Variants in PIEZO2 observed in about 807,000 individuals in gnomAD.
PIEZO2 encodes piezo-type mechanosensitive ion channel component 2.
A neutral mutation model predicts 337.3 loss-of-function variants in PIEZO2; 172 were observed. That is an observed-to-expected ratio of 0.51 (90% CI 0.45 to 0.58). PIEZO2 has a LOEUF of 0.58. Among genes scored for constraint, PIEZO2 ranks in the 20% least tolerant of loss-of-function variants. The pLI is 0.00. For synonymous variants in PIEZO2, 1,251 were observed against 1,228.5 expected, an observed-to-expected ratio of 1.02 and a Z score of -0.38; for missense variants, 3,028 against 3,391.3, an observed-to-expected ratio of 0.89 and a Z score of 2.66.
intron 3 of PIEZO2, among the ~76,000 whole-genome samples, chr18:10,948,300 C>T (rs2033129495): frequency 6.6e-6 from 1 of 151,756 alleles, no homozygotes; most frequent in South Asian, 2.1e-4. Flanking sequence ...ATATTCTGAC[C>T]AACAGCTCTT....
At chr18:10,844,660 G>GT (rs1393713220) in intron 7 of PIEZO2, among the ~76,000 whole-genome samples, 3 of 151,154 alleles carry the variant, frequency 2.0e-5, no homozygotes, top group Non-Finnish European at 2.9e-5. Flanking sequence ...GTGGTGGTGG[G>GT]TGCCTGTAGT....
At position 10,681,824 on chromosome 18, in the gene PIEZO2, C is replaced by G. The variant is rs191574968; in HGVS notation, c.7687-71G>C. Reference sequence around the variant, plus strand: ...TCTGCATCCTGAGTCAAAAGAAAAACATTTATGTAGGATATCAGCCCATTT... The same window carrying G: ...TCTGCATCCTGAGTCAAAAGAAAAAGATTTATGTAGGATATCAGCCCATTT... On this transcript the variant is annotated intron_variant, in intron 50 of 55. Transcript: ENST00000674853. The G allele has an allele frequency of 3.8e-5, 49 of 1,301,452 alleles. No individual in the cohort carries two copies. In the East Asian group the frequency reaches 1.1e-3, roughly 29 times the overall value. The allele number at this position is 1,301,452 out of a possible 1,614,324, so 80.6% of individuals were successfully genotyped here.
At chr18:10,963,157 C>A (rs1412357937) in intron 3 of PIEZO2, among the ~76,000 whole-genome samples, 2 of 151,968 alleles carry the variant, frequency 1.3e-5, no homozygotes, top group East Asian at 3.9e-4. Context: ...CGGTGGCATG[C>A]TTCTGTAGTT....
At chr18:11,114,673 A>C (rs2039835258) in intron 1 of PIEZO2, among the ~76,000 whole-genome samples, 2 of 152,160 alleles carry the variant, frequency 1.3e-5, no homozygotes, top group South Asian at 4.1e-4. Context: ...TTAAACAAAA[A>C]AAAAAAGGCA....
intron 36 of PIEZO2, among the ~76,000 whole-genome samples, chr18:10,722,037 C>T (rs73385141): frequency 0.046 from 6,949 of 151,382 alleles, 532 homozygotes; most frequent in African/African-American, 0.16. Flanking sequence ...GCCTGTAATC[C>T]GAGCTACTCA....
At chr18:10,947,167 G>C (rs1036817858) in intron 3 of PIEZO2, among the ~76,000 whole-genome samples, 1 of 151,908 alleles carries the variant, frequency 6.6e-6, no homozygotes, top group South Asian at 2.1e-4. Context: ...AAAATCTGTA[G>C]AAAAAAAGCA....
At chr18:10,774,783 T>TA in intron 18 of PIEZO2, among the ~76,000 whole-genome samples, 1 of 152,356 alleles carries the variant, frequency 6.6e-6, no homozygotes, top group East Asian at 1.9e-4. Context: ...GACATACTGA[T>TA]AGTCTTCTCT....
chr18:10,938,119 TG>T (rs1360227216), intron 3 of PIEZO2, among the ~76,000 whole-genome samples: 1 of 152,164 alleles, frequency 6.6e-6, no homozygotes, highest in Admixed American at 6.5e-5. Flanking sequence ...TTCATCAAAA[TG>T]GGAAGTAAGG....
chr18:10,863,971 T>C lies in PIEZO2; in HGVS notation c.493-6760A>G, dbSNP rs2041942321. On this transcript the variant is annotated intron_variant, in intron 5 of 55. Transcript: ENST00000674853. The surrounding 1 kb of genome is among the most constrained non-coding windows in gnomAD (Gnocchi z 4.3). ...TTTTCTCTTGTAGGAACCAGCTAAGTGTAGCTGTTCTAAATGATTCACCCT... is the reference window on the plus strand; with the variant it reads ...TTTTCTCTTGTAGGAACCAGCTAAGCGTAGCTGTTCTAAATGATTCACCCT... Among the ~76,000 whole-genome samples the C allele has an allele frequency of 6.6e-6, 1 of 152,166 alleles. No homozygotes were observed. The highest frequency in any genetic ancestry group is 6.5e-5 in the Admixed American group (1 of 15,276).
At chr18:10,751,097 T>C (rs778826005) in intron 28 of PIEZO2, among the ~76,000 whole-genome samples, 3 of 152,224 alleles carry the variant, frequency 2.0e-5, no homozygotes, top group Non-Finnish European at 4.4e-5. Flanking sequence ...CTTTTGTTTC[T>C]CAAAAATGTT....
At position 11,083,016 on chromosome 18, in the gene PIEZO2, C is replaced by A. The variant is rs2038804387; in HGVS notation, c.65-16794G>T. 6.6e-6 allele frequency among the ~76,000 whole-genome samples: 1 copy of A among 152,182 alleles called. No homozygotes were observed. The highest frequency in any genetic ancestry group is 6.5e-5 in the Admixed American group (1 of 15,278). On this transcript the variant is annotated intron_variant, in intron 1 of 55. Transcript: ENST00000674853. The surrounding 1 kb of genome is among the most constrained non-coding windows in gnomAD (Gnocchi z 4.4). ...TTGAGTAGGAGGTGGCACCACCTTT[C>A]ACAGAAGTTGCCTTATGGATGTGGA...
intron 1 of PIEZO2, among the ~76,000 whole-genome samples, chr18:11,093,205 A>G (rs1469077056): frequency 2.0e-5 from 3 of 152,142 alleles, no homozygotes; most frequent in Non-Finnish European, 4.4e-5. Flanking sequence ...AACCCTGTGC[A>G]TCCTGGGTAA....
At position 10,759,422 on chromosome 18, in the gene PIEZO2, C is replaced by A; in HGVS notation, c.3757+60G>T. 2 of 1,397,926 alleles carry A rather than the reference C, an allele frequency of 1.4e-6. No individual in the cohort carries two copies. The highest frequency in any genetic ancestry group is 2.0e-6 in the Non-Finnish European group (2 of 1,022,594). 86.6% of individuals were successfully genotyped at this position (1,397,926 alleles called of 1,614,324 possible). A position where few individuals can be genotyped will look rare whatever the true frequency, so the allele number is the denominator to read the frequency against. ...AAGGCACTAATGCATAGCACGTGAA[C>A]AATGATTAACAGTAAACCCGGATAC... On this transcript the variant is annotated intron_variant, in intron 26 of 55. Transcript: ENST00000674853. The surrounding 1 kb of genome is among the most constrained non-coding windows in gnomAD (Gnocchi z 5.5).
At chr18:10,790,374 GT>G (rs1476128808) in intron 14 of PIEZO2, among the ~76,000 whole-genome samples, 1 of 152,192 alleles carries the variant, frequency 6.6e-6, no homozygotes, top group African/African-American at 2.4e-5. Flanking sequence ...TTCACAGACA[GT>G]GCTTCTTAAC....
intron 27 of PIEZO2, among the ~76,000 whole-genome samples, chr18:10,753,347 C>T (rs899976593): frequency 2.6e-5 from 4 of 152,162 alleles, no homozygotes; most frequent in Non-Finnish European, 5.9e-5. Context: ...TGATTCTGAC[C>T]AACTATCCAA....
chr18:10,699,108 G>C lies in PIEZO2; in HGVS notation c.6511C>G (p.Leu2171Val), dbSNP rs928277645. The C allele has an allele frequency of 9.1e-6, 14 of 1,537,066 alleles. No individual in the cohort carries two copies. The highest frequency in any genetic ancestry group is 1.4e-5 in the African/African-American group (1 of 73,020). ...GMAREESDDE[L>V]SLGHGRRDSS... Reference sequence around the variant, plus strand: ...TCCCTCCTGCCATGACCGAGGGAGAGCTCATCATCTGATTCCTCCCTGGCC... The same window carrying C: ...TCCCTCCTGCCATGACCGAGGGAGACCTCATCATCTGATTCCTCCCTGGCC... Residue 2171 changes from leucine to valine, a missense_variant, in exon 44 of 56, where the codon CTC becomes GTC. By Grantham distance (32) the Leu-to-Val change is conservative (BLOSUM62 1). Around this residue, in one of 5 missense-constraint regions of PIEZO2, gnomAD observed 1,925 missense variants for 2,051.9 expected, o/e 0.94. Transcript: ENST00000674853.
chr18:10,785,157 T>C (rs548710298), intron 16 of PIEZO2, among the ~76,000 whole-genome samples, 200 bp from the exon 17 acceptor site: 1 of 152,328 alleles, frequency 6.6e-6, no homozygotes, highest in African/African-American at 2.4e-5. Flanking sequence ...TAATAAACCT[T>C]GACATTCCCA....
At chr18:10,844,616 G>A (rs905205218) in intron 7 of PIEZO2, among the ~76,000 whole-genome samples, 17 of 151,424 alleles carry the variant, frequency 1.1e-4, no homozygotes, top group East Asian at 1.9e-4. Context: ...GTGAAACCCC[G>A]TCTCTACTAA....
At chr18:11,013,738 T>C (rs1186992613) in intron 2 of PIEZO2, among the ~76,000 whole-genome samples, 1 of 152,160 alleles carries the variant, frequency 6.6e-6, no homozygotes, top group Non-Finnish European at 1.5e-5. Flanking sequence ...GATGGTCTCA[T>C]GTGAGACCTA....
Sources: gnomAD v4.1 joint callset for allele counts (sites outside exome capture counted in the v4.1 genomes callset) on GRCh38, gnomAD v4.1.1 for gene constraint, gnomAD v4.1.1 regional missense constraint, Gnocchi (gnomAD v3.1) non-coding constraint, MANE v1.5 for transcripts, NCBI Gene and HGNC (gene_info 2026-07-23, HGNC 2026-07-21) for gene names.